Variants in MARF1 observed in about 807,000 individuals in gnomAD.
MARF1 encodes limkain-b1.
In MARF1, 24 loss-of-function variants were observed where a neutral mutation model predicts 168.2. That is an observed-to-expected ratio of 0.14 (90% CI 0.10 to 0.20). The LOEUF is 0.20. MARF1 is among the 10% of genes least tolerant of loss of function. MARF1 has a pLI of 1.00. For synonymous variants in MARF1, 868 were observed against 822.4 expected (o/e 1.06, Z -0.95); for missense variants, 1,744 against 2,143.6 (o/e 0.81, Z 3.68).
At chr16:15,603,810 C>T (rs994136434) in intron 22 of MARF1, among the ~76,000 whole-genome samples, 6 of 152,158 alleles carry the variant, frequency 3.9e-5, no homozygotes, top group Non-Finnish European at 7.3e-5. Context: ...TCACCTTACT[C>T]ATCTCTCTCT....
Position 15,623,056 on chromosome 16 carries a change from C to T in MARF1, c.2338G>A (p.Glu780Lys), listed in dbSNP as rs766665063. 1.2e-5 allele frequency: 19 copies of T among 1,610,462 alleles called. No homozygotes were observed. Among genetic ancestry groups the T allele is most frequent in the African/African-American group, 4.0e-5 (3 of 74,876 alleles). Residue 780 changes from glutamate to lysine, a missense_variant, in exon 11 of 27, where the codon GAA becomes AAA. Physicochemically the swap from Glu to Lys is moderately conservative, Grantham distance 56. This residue lies in a region of MARF1 where 270 missense variants were observed against 260.6 expected (regional missense o/e 1.04). Coordinates refer to ENST00000396368, the MANE Select transcript of MARF1 (RefSeq NM_014647.4). ...GCAAATGGGTCTGGGCAGTCGGCTT[C>T]GCTGCTCGAATTTGCAATGTTGAAA... ...LAFNIANSSS[E>K]ADCPDPFANG...
chr16:15,615,773 T>G, intron 16 of MARF1, 57 bp downstream of exon 16: 1 of 1,278,162 alleles, frequency 7.8e-7, no homozygotes, highest in Non-Finnish European at 1.0e-6. Context: ...GCCAATAGCC[T>G]CCTCTGGTCT....
At chr16:15,611,845 G>T in intron 17 of MARF1, 111 bp from the exon 18 acceptor site, 1 of 823,714 alleles carries the variant, frequency 1.2e-6, no homozygotes, top group Non-Finnish European at 1.9e-6. Flanking sequence ...CCTTTATGTA[G>T]AATGTGTGCA....
chr16:15,638,313 C>T (rs183102736), intron 2 of MARF1, among the ~76,000 whole-genome samples: 8 of 151,942 alleles, frequency 5.3e-5, no homozygotes, highest in African/African-American at 1.2e-4. Context: ...TGGCTGGACG[C>T]GGTGGCTCAC....
chr16:15,599,703 T>C (rs945389919), intron 25 of MARF1, among the ~76,000 whole-genome samples: 16 of 152,224 alleles, frequency 1.1e-4, no homozygotes, highest in Non-Finnish European at 2.4e-4. Context: ...TTGGCCTCTA[T>C]CTACTACAGA....
intron 1 of MARF1, among the ~76,000 whole-genome samples, chr16:15,640,390 C>A (rs1368093494): frequency 6.6e-6 from 1 of 152,188 alleles, no homozygotes; most frequent in Non-Finnish European, 1.5e-5. Context: ...GCCAGAGCAA[C>A]AACACTCTTA....
intron 2 of MARF1, among the ~76,000 whole-genome samples, chr16:15,637,950 T>G (rs1357681751): frequency 6.6e-6 from 1 of 152,040 alleles, no homozygotes; most frequent in Non-Finnish European, 1.5e-5. Flanking sequence ...GTGGATCACC[T>G]AAGGTCAGAA....
intron 26 of MARF1, among the ~76,000 whole-genome samples, 196 bp downstream of exon 26, chr16:15,598,658 C>G (rs1476464925): frequency 6.6e-6 from 1 of 151,866 alleles, no homozygotes; most frequent in African/African-American, 2.4e-5. Context: ...GCCTGATGCT[C>G]GCCAGGCAAC....
chr16:15,614,670 G>A (rs1357261854), intron 16 of MARF1, among the ~76,000 whole-genome samples: 6 of 151,562 alleles, frequency 4.0e-5, no homozygotes. Context: ...GCGGGCGCCT[G>A]TAGTCCCAGC....
At chr16:15,598,751 G>C in intron 26 of MARF1, 103 bp downstream of exon 26, 1 of 1,134,384 alleles carries the variant, frequency 8.8e-7, no homozygotes, top group South Asian at 1.4e-5. Context: ...CACCTGAAAA[G>C]GGGTAGTCCC....
At chr16:15,616,872 T>G in intron 15 of MARF1, 180 bp downstream of exon 15, 1 of 704,758 alleles carries the variant, frequency 1.4e-6, no homozygotes, top group South Asian at 1.9e-5. Flanking sequence ...CTATATACAG[T>G]CCATGGTTGG....
chr16:15,623,245 A>G, intron 10 of MARF1, 122 bp from the exon 11 acceptor site: 1 of 573,974 alleles, frequency 1.7e-6, no homozygotes, highest in Non-Finnish European at 2.7e-6. Flanking sequence ...AACCAAACCA[A>G]ACATTTGGTT....
chr16:15,632,070 A>G (rs1300200747), intron 5 of MARF1, among the ~76,000 whole-genome samples: 1 of 152,234 alleles, frequency 6.6e-6, no homozygotes, highest in Non-Finnish European at 1.5e-5. Context: ...ATGGTAAAAA[A>G]TTACAACAGA....
chr16:15,637,351 C>G (rs1273292195), intron 2 of MARF1, among the ~76,000 whole-genome samples: 1 of 152,166 alleles, frequency 6.6e-6, no homozygotes, highest in Non-Finnish European at 1.5e-5. Context: ...CCGTTCACAG[C>G]ATATGAGGGT....
In MARF1 at chr16:15,621,782, G is replaced by C. The variant is rs780695528; in HGVS notation, c.2590C>G (p.Leu864Val). 1.9e-6 allele frequency: 3 copies of C among 1,614,040 alleles called. No homozygotes were observed. Among genetic ancestry groups the C allele is most frequent in the African/African-American group, 1.3e-5 (1 of 74,910 alleles). The change falls in exon 12 of 27, where the codon CTG becomes GTG. Residue 864 changes from leucine (L) to valine (V), a missense_variant. Around this residue, in one of 7 missense-constraint regions of MARF1, gnomAD observed 543 missense variants for 742.1 expected, o/e 0.73. Transcript: ENST00000396368. ...HRYKIGSKKI[L>V]VSLATGAASK... ...GCAGCCCCGGTGGCAAGTGAGACCA[G>C]GATCTTTTTGCTGCCAATTTTGTAT...
chr16:15,621,716 G>C lies in MARF1; in HGVS notation c.2639+17C>G, dbSNP rs199545025. ...CAAATGTTATTTCCTGAAATAAACA[G>C]CTTGCTTGTTTCTTACCTCAGTAAA... On this transcript the variant is annotated intron_variant, in intron 12 of 26. Transcript: ENST00000396368. 132 of 1,599,390 alleles carry C rather than the reference G, an allele frequency of 8.3e-5. No individual in the cohort carries two copies. Among genetic ancestry groups the C allele is most frequent in the Admixed American group, 1.1e-4 (6 of 56,310 alleles).
In MARF1 at chr16:15,635,086, C is replaced by T. The variant is rs1460056979; in HGVS notation, c.832-155G>A. The T allele has an allele frequency of 2.5e-5, 15 of 594,034 alleles. No individual in the cohort carries two copies. The Admixed American group carries it at 4.8e-4, about 19-fold the overall frequency. 36.8% of individuals were successfully genotyped at this position (594,034 alleles called of 1,614,324 possible). On this transcript the variant is annotated intron_variant, in intron 3 of 26. Coordinates refer to ENST00000396368, the MANE Select transcript of MARF1 (RefSeq NM_014647.4). ...ACTTTCAAATAATCTTTCCAAGAACCATTAGCTATCAGTTCATAAATTCAT... is the reference window on the plus strand; with the variant it reads ...ACTTTCAAATAATCTTTCCAAGAACTATTAGCTATCAGTTCATAAATTCAT...
At chr16:15,613,872 T>G (rs1330104211) in intron 16 of MARF1, among the ~76,000 whole-genome samples, 1 of 151,982 alleles carries the variant, frequency 6.6e-6, no homozygotes, top group Non-Finnish European at 1.5e-5. Flanking sequence ...AATTCCTTGG[T>G]TATCCTCACC....
At chr16:15,615,103 C>T (rs375823690) in intron 16 of MARF1, among the ~76,000 whole-genome samples, 1 of 152,138 alleles carries the variant, frequency 6.6e-6, no homozygotes, top group Non-Finnish European at 1.5e-5. Context: ...TTTAAAAGGT[C>T]AGTCAACTGG....
Sources: gnomAD v4.1 joint callset for allele counts (sites outside exome capture counted in the v4.1 genomes callset) on GRCh38, gnomAD v4.1.1 for gene constraint, gnomAD v4.1.1 regional missense constraint, MANE v1.5 for transcripts, NCBI Gene and HGNC (gene_info 2026-07-23, HGNC 2026-07-21) for gene names.